The following ARHGAP24 variants were observed in gnomAD, a reference collection of about 807,000 sequenced individuals.
ARHGAP24 encodes the protein Rho GTPase activating protein 24.
Under a neutral mutation model 76.4 loss-of-function variants are expected in ARHGAP24, and 50 were observed. The ratio of observed to expected loss-of-function variants is 0.65; its 90% CI spans 0.52 to 0.83. The LOEUF (loss-of-function observed/expected upper bound fraction) is 0.83. ARHGAP24 is among the 40% of genes least tolerant of loss of function. The pLI is 0.00. For synonymous variants in ARHGAP24, 345 were observed against 323.3 expected (o/e 1.07, Z -0.72); for missense variants, 930 against 914.2 (o/e 1.02, Z -0.22).
chr4:85,852,428 G>C (rs1056413004), intron 3 of ARHGAP24, among the ~76,000 whole-genome samples: 1 of 152,036 alleles, frequency 6.6e-6, no homozygotes, highest in Non-Finnish European at 1.5e-5. Context: ...TGTTTTTACC[G>C]ACCTTCTGAA....
chr4:85,493,145 T>G lies in ARHGAP24; in HGVS notation c.-21+17586T>G, dbSNP rs570786626. 2.0e-5 allele frequency among the ~76,000 whole-genome samples: 3 copies of G among 152,356 alleles called. No homozygotes were observed. In the East Asian group the frequency reaches 5.8e-4, roughly 29 times the overall value. ...ATATCAGGAAGCGCATGATGTCAATTTGTCTAAATACTACTGATGTTAACT... is the reference window on the plus strand; with the variant it reads ...ATATCAGGAAGCGCATGATGTCAATGTGTCTAAATACTACTGATGTTAACT... On this transcript the variant is annotated intron_variant, in intron 1 of 9. Transcript: ENST00000395184.
intron 8 of ARHGAP24, 43 bp downstream of exon 8, chr4:85,977,734 A>C (rs545888254): frequency 1.2e-6 from 2 of 1,605,618 alleles, no homozygotes; most frequent in Non-Finnish European, 1.7e-6. Flanking sequence ...AAGAAGAAGT[A>C]ATTATCTCTT....
intron 2 of ARHGAP24, among the ~76,000 whole-genome samples, chr4:85,699,086 C>A (rs1723974341): frequency 6.6e-6 from 1 of 152,180 alleles, no homozygotes; most frequent in Non-Finnish European, 1.5e-5. Context: ...TCTGGGGAGA[C>A]ACAAATATTC....
At chr4:85,486,385 A>G (rs965222249) in intron 1 of ARHGAP24, among the ~76,000 whole-genome samples, 1 of 152,200 alleles carries the variant, frequency 6.6e-6, no homozygotes, top group Non-Finnish European at 1.5e-5. Flanking sequence ...CGTCACTACA[A>G]TGAATTTTTC....
At chr4:85,762,280 C>A (rs1726760864) in intron 3 of ARHGAP24, among the ~76,000 whole-genome samples, 1 of 152,124 alleles carries the variant, frequency 6.6e-6, no homozygotes, top group Non-Finnish European at 1.5e-5. Context: ...CTGTAGCATG[C>A]TACATCATTT....
intron 3 of ARHGAP24, among the ~76,000 whole-genome samples, chr4:85,805,905 C>T (rs1431959503): frequency 1.3e-5 from 2 of 152,168 alleles, no homozygotes; most frequent in Non-Finnish European, 2.9e-5. Context: ...GAAGAATGCA[C>T]ATGTGTACAT....
intron 3 of ARHGAP24, chr4:85,827,905 C>T: frequency 1.6e-6 from 2 of 1,289,714 alleles, no homozygotes; most frequent in Non-Finnish European, 2.0e-6. Context: ...GACAGAGCAG[C>T]TGCTCTGTCT....
chr4:85,741,907 G>A (rs539863876), intron 3 of ARHGAP24, among the ~76,000 whole-genome samples: 1 of 152,018 alleles, frequency 6.6e-6, no homozygotes, highest in East Asian at 1.9e-4. Context: ...TGATTATGTA[G>A]TTCAAAGACC....
chr4:85,932,986 T>C (rs772586737), intron 4 of ARHGAP24, among the ~76,000 whole-genome samples: 2 of 152,280 alleles, frequency 1.3e-5, no homozygotes, highest in African/African-American at 2.4e-5. Context: ...GCTTTACATC[T>C]TTCTTGAAGG....
chr4:85,750,075 G>A (rs1246148778), intron 3 of ARHGAP24, among the ~76,000 whole-genome samples: 3 of 151,996 alleles, frequency 2.0e-5, no homozygotes, highest in Non-Finnish European at 2.9e-5. Flanking sequence ...CTAGACTCCA[G>A]GGAGACACTA....
At chr4:85,619,231 C>A (rs764971883) in intron 2 of ARHGAP24, among the ~76,000 whole-genome samples, 1 of 151,920 alleles carries the variant, frequency 6.6e-6, no homozygotes, top group Non-Finnish European at 1.5e-5. Flanking sequence ...TGTCCTTTTC[C>A]CACTGTGTGT....
intron 3 of ARHGAP24, among the ~76,000 whole-genome samples, chr4:85,856,160 G>C (rs1020387528): frequency 6.6e-6 from 1 of 151,880 alleles, no homozygotes; most frequent in African/African-American, 2.4e-5. Flanking sequence ...TGTTCTAATG[G>C]GTGCATGGTG....
rs566107333 is a variant in ARHGAP24 at position 85,594,335 on chromosome 4, T to G, written c.180+23614T>G. On this transcript the variant is annotated intron_variant, in intron 2 of 9. Coordinates refer to ENST00000395184, the MANE Select transcript of ARHGAP24 (RefSeq NM_001025616.3). ...ACCTTTACTGAATTTGTTTATTAGT[T>G]CTGATAGTTTTTTGGTGGAGTCTTT... is the stretch of plus-strand genomic sequence containing the variant. 3.3e-5 allele frequency among the ~76,000 whole-genome samples: 5 copies of G among 152,232 alleles called. No homozygotes were observed. In the South Asian group the frequency reaches 1.0e-3, roughly 32 times the overall value.
chr4:85,516,354 A>G (rs902896794), intron 1 of ARHGAP24, among the ~76,000 whole-genome samples: 6 of 152,168 alleles, frequency 3.9e-5, no homozygotes, highest in Admixed American at 2.6e-4. Context: ...TGTCTAACTC[A>G]TATTTGTTTC....
At chr4:85,589,655 A>G (rs1728004451) in intron 2 of ARHGAP24, among the ~76,000 whole-genome samples, 2 of 152,140 alleles carry the variant, frequency 1.3e-5, no homozygotes, top group Admixed American at 6.5e-5. Flanking sequence ...GCTTCCCAAT[A>G]TCAAGCTATC....
intron 9 of ARHGAP24, chr4:85,999,734 A>C (rs1438895102): frequency 6.6e-6 from 1 of 152,212 alleles, no homozygotes; most frequent in Non-Finnish European, 1.5e-5. Context: ...GTTTTTAAAA[A>C]CGTTACTGCG....
intron 4 of ARHGAP24, among the ~76,000 whole-genome samples, chr4:85,936,262 G>A (rs1273064289): frequency 1.3e-5 from 2 of 152,116 alleles, no homozygotes; most frequent in Admixed American, 1.3e-4. Context: ...AACTATCAAT[G>A]AGTTTCATTT....
intron 6 of ARHGAP24, among the ~76,000 whole-genome samples, chr4:85,972,707 A>G (rs551928530): frequency 6.6e-6 from 1 of 152,254 alleles, no homozygotes; most frequent in East Asian, 1.9e-4. Context: ...CAATATTTTT[A>G]TTGCCTCAAA....
intron 4 of ARHGAP24, chr4:85,930,332 G>C: frequency 1.0e-6 from 1 of 986,726 alleles, no homozygotes; most frequent in Non-Finnish European, 1.2e-6. Flanking sequence ...AAGGATGGGG[G>C]GTGCTATAAA....
Sources: allele counts gnomAD v4.1 joint callset (sites outside exome capture counted in the v4.1 genomes callset), GRCh38; gene constraint gnomAD v4.1.1; transcripts MANE v1.5; gene names NCBI Gene and HGNC (gene_info 2026-07-23, HGNC 2026-07-21).